ARHGAP24: variants seen among roughly 807,000 people sequenced by gnomAD.
ARHGAP24 encodes the protein Rho GTPase activating protein 24.
In ARHGAP24, 50 loss-of-function variants were observed where a neutral mutation model predicts 76.4. The ratio of observed to expected loss-of-function variants is 0.65; its 90% confidence interval spans 0.52 to 0.83. ARHGAP24 has a LOEUF of 0.83. Ranked by LOEUF, ARHGAP24 falls within the 40% of genes least tolerant of loss-of-function variation. ARHGAP24 has a pLI of 0.00. For synonymous variants in ARHGAP24, 345 were observed against 323.3 expected (o/e 1.07, Z -0.72); for missense variants, 930 against 914.2 (o/e 1.02, Z -0.22).
intron 2 of ARHGAP24, among the ~76,000 whole-genome samples, chr4:85,606,316 A>G (rs1007724691): frequency 3.3e-5 from 5 of 152,092 alleles, no homozygotes; most frequent in African/African-American, 7.2e-5. Flanking sequence ...GATCGAGACC[A>G]TCCTGGCTAA....
At chr4:85,498,502 G>C (rs1330899685) in intron 1 of ARHGAP24, among the ~76,000 whole-genome samples, 2 of 152,230 alleles carry the variant, frequency 1.3e-5, no homozygotes, top group Non-Finnish European at 2.9e-5. Context: ...CTGTTTGTGA[G>C]CTCAGCCTCG....
At chr4:85,862,798 T>C (rs1731975831) in intron 3 of ARHGAP24, among the ~76,000 whole-genome samples, 1 of 152,110 alleles carries the variant, frequency 6.6e-6, no homozygotes, top group African/African-American at 2.4e-5. Context: ...TCCTTATTTC[T>C]CACGTTTAGT....
At chr4:85,965,140 T>C (rs1319258991) in intron 5 of ARHGAP24, among the ~76,000 whole-genome samples, 3 of 152,098 alleles carry the variant, frequency 2.0e-5, no homozygotes, top group Non-Finnish European at 4.4e-5. Context: ...AGAGGTTTCA[T>C]GGAGAACTCA....
At chr4:85,479,555 A>G (rs1722730356) in intron 1 of ARHGAP24, among the ~76,000 whole-genome samples, 1 of 152,170 alleles carries the variant, frequency 6.6e-6, no homozygotes, top group African/African-American at 2.4e-5. Context: ...CTATTTAATA[A>G]TTATCTGGAG....
At chr4:85,524,011 G>A (rs978451964) in intron 1 of ARHGAP24, among the ~76,000 whole-genome samples, 1 of 152,042 alleles carries the variant, frequency 6.6e-6, no homozygotes, top group Non-Finnish European at 1.5e-5. Context: ...GGTGGTGGTG[G>A]GCAGCCCAAT....
intron 3 of ARHGAP24, among the ~76,000 whole-genome samples, chr4:85,894,253 A>G (rs2148782385): frequency 6.6e-6 from 1 of 152,258 alleles, no homozygotes; most frequent in African/African-American, 2.4e-5. Flanking sequence ...TCAAATTAGG[A>G]ACCTTCACAC....
At chr4:85,866,333 G>A (rs573318683) in intron 3 of ARHGAP24, among the ~76,000 whole-genome samples, 105 of 152,162 alleles carry the variant, frequency 6.9e-4, no homozygotes, top group Non-Finnish European at 1.0e-3. Flanking sequence ...GTTGTGTCTG[G>A]AGACTTCTGA....
chr4:85,604,468 C>T (rs899067117), intron 2 of ARHGAP24, among the ~76,000 whole-genome samples: 2 of 152,278 alleles, frequency 1.3e-5, no homozygotes, highest in South Asian at 4.1e-4. Flanking sequence ...AAGATAAATT[C>T]TATTTGTATA....
intron 3 of ARHGAP24, among the ~76,000 whole-genome samples, chr4:85,821,931 T>G (rs927320868): frequency 6.6e-6 from 1 of 152,224 alleles, no homozygotes; most frequent in African/African-American, 2.4e-5. Context: ...AAGTATTTAC[T>G]GTTTTTCTTA....
At chr4:85,808,073 T>TTGTC (rs1324127939) in intron 3 of ARHGAP24, among the ~76,000 whole-genome samples, 6 of 152,212 alleles carry the variant, frequency 3.9e-5, no homozygotes, top group African/African-American at 1.4e-4. Context: ...TTTTACATAG[T>TTGTC]TGTCGGTTGC....
intron 3 of ARHGAP24, among the ~76,000 whole-genome samples, chr4:85,806,294 A>G (rs974793388): frequency 2.6e-5 from 4 of 152,226 alleles, no homozygotes; most frequent in African/African-American, 9.6e-5. Context: ...AAGGGGAGGT[A>G]CATCTAGAGG....
intron 6 of ARHGAP24, 34 bp downstream of exon 6, chr4:85,972,202 T>A: frequency 6.2e-7 from 1 of 1,611,148 alleles, no homozygotes; most frequent in South Asian, 1.1e-5. Flanking sequence ...AATAAGCTTT[T>A]GTTTGGAATT....
At chr4:85,706,855 C>G (rs891826538) in intron 2 of ARHGAP24, among the ~76,000 whole-genome samples, 1 of 152,124 alleles carries the variant, frequency 6.6e-6, no homozygotes, top group African/African-American at 2.4e-5. Context: ...TGAGCCACTG[C>G]ACCCAGCCAA....
At chr4:85,818,870 G>T (rs1258714628) in intron 3 of ARHGAP24, among the ~76,000 whole-genome samples, 1 of 152,106 alleles carries the variant, frequency 6.6e-6, no homozygotes, top group Non-Finnish European at 1.5e-5. Flanking sequence ...TATTGCATCT[G>T]CTATTGCCTG....
At chr4:85,874,995 T>A (rs1194520314) in intron 3 of ARHGAP24, among the ~76,000 whole-genome samples, 7 of 108,850 alleles carry the variant, frequency 6.4e-5, no homozygotes, top group African/African-American at 2.3e-4. Context: ...TATATATAAA[T>A]ATATATTTAT....
At chr4:85,810,840 A>G (rs1274337380) in intron 3 of ARHGAP24, among the ~76,000 whole-genome samples, 2 of 152,178 alleles carry the variant, frequency 1.3e-5, no homozygotes, top group East Asian at 3.9e-4. Flanking sequence ...ATTGTCACAA[A>G]CAATTTATTA....
intron 4 of ARHGAP24, among the ~76,000 whole-genome samples, chr4:85,924,961 T>C (rs557324614): frequency 6.6e-6 from 1 of 152,310 alleles, no homozygotes; most frequent in African/African-American, 2.4e-5. Context: ...ATTCCCACGG[T>C]GTTCTAGTTT....
intron 2 of ARHGAP24, chr4:85,686,547 A>C (rs373286422): frequency 6.6e-5 from 10 of 152,316 alleles, no homozygotes; most frequent in African/African-American, 2.2e-4. Context: ...GGAGAGGTAT[A>C]TATAGTATTG....
intron 2 of ARHGAP24, among the ~76,000 whole-genome samples, chr4:85,692,355 T>C (rs991338525): frequency 2.0e-5 from 3 of 152,184 alleles, no homozygotes; most frequent in Non-Finnish European, 4.4e-5. Flanking sequence ...TCTGTATTTC[T>C]TGAATTTGCA....
Sources: gnomAD v4.1 joint callset for allele counts (sites outside exome capture counted in the v4.1 genomes callset) on GRCh38, gnomAD v4.1.1 for gene constraint, MANE v1.5 for transcripts, NCBI Gene and HGNC (gene_info 2026-07-23, HGNC 2026-07-21) for gene names.